The following MTFR1 variants were observed in gnomAD, a reference collection of about 807,000 sequenced individuals.
MTFR1 encodes chondrocyte protein with a poly-proline region.
MTFR1 carries 28 observed loss-of-function variants against 38.8 expected under a neutral mutation model. That is an observed-to-expected ratio of 0.72 (90% CI 0.53 to 0.99). The LOEUF (loss-of-function observed/expected upper bound fraction) is 0.99. Ranked by LOEUF, MTFR1 falls within the 50% of genes least tolerant of loss-of-function variation. The pLI, the probability that MTFR1 is intolerant of heterozygous loss-of-function variation, is 0.00. For missense variants in MTFR1, 358 were observed against 395.5 expected, an observed-to-expected ratio of 0.91 and a Z score of 0.81; for synonymous variants, 145 against 137.0, an observed-to-expected ratio of 1.06 and a Z score of -0.41.
chr8:65,662,477 G>GC (rs546712162), intron 1 of MTFR1, among the ~76,000 whole-genome samples: 5 of 150,212 alleles, frequency 3.3e-5, no homozygotes, highest in Admixed American at 1.3e-4. Context: ...GCCTGCCTTG[G>GC]CCCCCCAAAG....
upstream of MTFR1, chr8:65,644,724 CGGG>C (rs1808900465): frequency 6.6e-6 from 1 of 152,352 alleles, no homozygotes; most frequent in Admixed American, 6.5e-5. Context: ...AGCAACGCCA[CGGG>C]ACAGCCAAGC....
At chr8:65,714,276 T>C (rs1027353133), downstream of MTFR1, 1 of 151,372 alleles carries the variant, frequency 6.6e-6, no homozygotes, top group Admixed American at 6.6e-5. Flanking sequence ...CGGAAGAGTT[T>C]CAATATAATC....
downstream of MTFR1, among the ~76,000 whole-genome samples, chr8:65,772,979 G>A (rs1376709747): frequency 6.6e-6 from 1 of 152,130 alleles, no homozygotes; most frequent in Non-Finnish European, 1.5e-5. Context: ...CTGCACTCCA[G>A]CCTGGGCGAC....
chr8:65,654,543 A>G (rs552759568), intron 1 of MTFR1, among the ~76,000 whole-genome samples: 1 of 152,172 alleles, frequency 6.6e-6, no homozygotes, highest in South Asian at 2.1e-4. Flanking sequence ...GGAGAAAGGT[A>G]TAATTTACTG....
At chr8:65,759,267 G>A (rs1808381342) in intron 3 of MTFR1, among the ~76,000 whole-genome samples, 1 of 152,198 alleles carries the variant, frequency 6.6e-6, no homozygotes, top group South Asian at 2.1e-4. Context: ...AAATGGGGGT[G>A]AGGGGCTCAG....
At chr8:65,721,633 A>C (rs1806380438) in intron 3 of MTFR1, among the ~76,000 whole-genome samples, 1 of 152,134 alleles carries the variant, frequency 6.6e-6, no homozygotes, top group Admixed American at 6.6e-5. Flanking sequence ...AGTGAAAGGG[A>C]TCTAGCTTCT....
chr8:65,769,298 A>T (rs544862436), intron 3 of MTFR1, among the ~76,000 whole-genome samples: 6 of 150,834 alleles, frequency 4.0e-5, no homozygotes, highest in Non-Finnish European at 8.9e-5. Context: ...TATTTTTTTT[A>T]AAAAATTGTT....
chr8:65,721,130 A>C (rs1310015921), intron 3 of MTFR1, among the ~76,000 whole-genome samples: 3 of 151,790 alleles, frequency 2.0e-5, no homozygotes, highest in Admixed American at 1.3e-4. Flanking sequence ...GGAGGGCAGG[A>C]CTCTGTTAAT....
intron 3 of MTFR1, among the ~76,000 whole-genome samples, chr8:65,757,062 A>G (rs1318549770): frequency 6.6e-6 from 1 of 152,154 alleles, no homozygotes; most frequent in Non-Finnish European, 1.5e-5. Flanking sequence ...GGCTCCCTGA[A>G]TGCGGTCCTC....
intron 3 of MTFR1, among the ~76,000 whole-genome samples, chr8:65,764,685 A>G (rs1019040895): frequency 3.3e-5 from 5 of 152,242 alleles, no homozygotes; most frequent in Non-Finnish European, 5.9e-5. Flanking sequence ...TATAATCAGT[A>G]CGATATGAGC....
intron 2 of MTFR1, among the ~76,000 whole-genome samples, chr8:65,674,324 A>G (rs1804651913): frequency 6.6e-6 from 1 of 151,130 alleles, no homozygotes; most frequent in African/African-American, 2.4e-5. Context: ...TTTTTTAAAG[A>G]AAAAAAGGCT....
chr8:65,770,496 A>G (rs1041025812), intron 3 of MTFR1, among the ~76,000 whole-genome samples: 2 of 152,186 alleles, frequency 1.3e-5, no homozygotes, highest in Admixed American at 1.3e-4. Context: ...TGATGATTCA[A>G]TTACCTCCCA....
chr8:65,743,547 C>A (rs1807535101), intron 3 of MTFR1, among the ~76,000 whole-genome samples: 1 of 152,186 alleles, frequency 6.6e-6, no homozygotes, highest in Non-Finnish European at 1.5e-5. Context: ...TCTGTCAACA[C>A]TGCATAAGCA....
intron 3 of MTFR1, chr8:65,745,565 G>A (rs953024999): frequency 5.8e-6 from 4 of 685,484 alleles, no homozygotes; most frequent in African/African-American, 5.5e-5. Flanking sequence ...AATGTAAAGT[G>A]ATTGATTTAC....
intron 3 of MTFR1, among the ~76,000 whole-genome samples, chr8:65,743,262 G>A (rs1322411580): frequency 4.6e-5 from 7 of 152,168 alleles, no homozygotes; most frequent in Non-Finnish European, 8.8e-5. Flanking sequence ...AGAAGAAGGT[G>A]GGCCACTTGA....
At chr8:65,688,125 G>A (rs1344902699) in intron 3 of MTFR1, among the ~76,000 whole-genome samples, 1 of 150,184 alleles carries the variant, frequency 6.7e-6, no homozygotes, top group African/African-American at 2.4e-5. Context: ...AACAGGCCGG[G>A]CATGGTGGCT....
At chr8:65,693,080 T>C (rs1805330353) in intron 3 of MTFR1, among the ~76,000 whole-genome samples, 1 of 152,042 alleles carries the variant, frequency 6.6e-6, no homozygotes, top group Admixed American at 6.6e-5. Flanking sequence ...CAAAAATTTT[T>C]CTTAATTTTC....
Position 65,707,065 on chromosome 8 carries a change from A to AGCCACCCC in MTFR1, c.573_574insGCCACCCC (p.Pro192AlafsTer22). The AGCCACCCC allele has an allele frequency of 7.0e-7, 1 of 1,423,352 alleles. No individual in the cohort carries two copies. The allele number at this position is 1,423,352 out of a possible 1,614,324, so 88.2% of individuals were successfully genotyped here. A position where few individuals can be genotyped will look rare whatever the true frequency, so the allele number is the denominator to read the frequency against. On this transcript the variant is annotated frameshift_variant, in exon 6 of 8. Transcript: ENST00000262146. LOFTEE classifies it high-confidence loss of function. The stretch of plus-strand genomic sequence containing the variant: ...TACCACCACACCCTCCACCTCCCCC[A>AGCCACCCC]CCGCCCCTGCCTCCCCCTGCACTGG...
Position 65,693,717 on chromosome 8 carries a change from GA to G in MTFR1, c.240del (p.Trp81GlyfsTer2). 1 of 1,614,146 alleles carries G rather than the reference GA, an allele frequency of 6.2e-7. No homozygotes were observed. The highest frequency in any genetic ancestry group is 8.5e-7 in the Non-Finnish European group (1 of 1,180,006). On this transcript the variant is annotated frameshift_variant, in exon 4 of 8. Coordinates refer to ENST00000262146, the MANE Select transcript of MTFR1 (RefSeq NM_014637.4). LOFTEE classifies it high-confidence loss of function. ...GCAGTGGCGTCTTTTGCTGATGTTG[GA>G]TGGGTAGCCAAAGAAGAAGGAGAGT... Reference protein sequence around the residue: ...EDAVASFADVGWVAKEEGECS... With the variant: ...EDAVASFADVXWVAKEEGECS...
Sources: allele counts gnomAD v4.1 joint callset (sites outside exome capture counted in the v4.1 genomes callset), GRCh38; gene constraint gnomAD v4.1.1; transcripts MANE v1.5; gene names NCBI Gene and HGNC (gene_info 2026-07-23, HGNC 2026-07-21).